The following DELE1 variants were observed in gnomAD, a reference collection of about 807,000 sequenced individuals.
The protein encoded by DELE1 is death ligand signal enhancer.
In DELE1, 54 loss-of-function variants were observed where a neutral mutation model predicts 59.3. The ratio of observed to expected loss-of-function variants is 0.91; its 90% confidence interval spans 0.73 to 1.14. The LOEUF is 1.14. Among genes scored for constraint, DELE1 ranks in the 50% most tolerant of loss-of-function variants. The probability of loss-of-function intolerance (pLI) is 0.00; values close to 1 mark genes in which losing one functional copy is unlikely to be tolerated. For missense variants in DELE1, 636 were observed against 643.9 expected, an observed-to-expected ratio of 0.99 and a Z score of 0.13; for synonymous variants, 264 against 259.1, an observed-to-expected ratio of 1.02 and a Z score of -0.18.
intron 7 of DELE1, 78 bp from the exon 8 acceptor site, chr5:141,933,178 TGAG>T (rs766963547): frequency 9.5e-5 from 103 of 1,082,156 alleles, no homozygotes; most frequent in Non-Finnish European, 1.3e-4. Context: ...GAGGATCAGA[TGAG>T]GAGTCTGTAG....
chr5:141,924,745 T>C, intron 2 of DELE1, 50 bp downstream of exon 2: 1 of 1,192,190 alleles, frequency 8.4e-7, no homozygotes, highest in Non-Finnish European at 1.2e-6. Flanking sequence ...TCACCCTTTT[T>C]TTTTATTTTT....
chr5:141,929,497 G>A (rs1012323343), intron 4 of DELE1, 85 bp from the exon 5 acceptor site: 53 of 1,446,950 alleles, frequency 3.7e-5, no homozygotes, highest in South Asian at 3.3e-4. Flanking sequence ...TGATCCACCC[G>A]CCTCGGCCTC....
At chr5:141,927,917 C>T (rs1310805019) in intron 3 of DELE1, among the ~76,000 whole-genome samples, 2 of 151,118 alleles carry the variant, frequency 1.3e-5, no homozygotes, top group Non-Finnish European at 1.5e-5. Context: ...TGGTCCCTGC[C>T]CATGTCGTGC....
At position 141,933,289 on chromosome 5, in the gene DELE1, C is replaced by A. The variant is rs201533364; in HGVS notation, c.785C>A (p.Thr262Lys). The change falls in exon 8 of 12, where the codon ACG becomes AAG. Residue 262 changes from threonine (T) to lysine (K), a missense_variant. Coordinates refer to ENST00000432126, the MANE Select transcript of DELE1 (RefSeq NM_014773.5). ...GTENMKSGDH[T>K]AAFSYFQKAA... ...GAGAACATGAAGAGTGGCGACCACA[C>A]GGCAGCCTTTTCTTACTTCCAGAAA... 19 of 1,565,486 alleles carry A rather than the reference C, an allele frequency of 1.2e-5. No individual in the cohort carries two copies. The highest frequency in any genetic ancestry group is 8.6e-5 in the Admixed American group (5 of 58,478).
chr5:141,924,309 A>G (rs73792050), intron 1 of DELE1, among the ~76,000 whole-genome samples: 9,891 of 152,208 alleles, frequency 0.065, 985 homozygotes, highest in African/African-American at 0.22. Flanking sequence ...AAGAGCCCCA[A>G]ACATTAGTGA....
rs1055642406 is a variant in DELE1, at chr5:141,941,112, A to C, written c.*2353A>C. 5 of 985,192 alleles carry C rather than the reference A, an allele frequency of 5.1e-6. No individual in the cohort carries two copies. In the African/African-American group the frequency reaches 7.0e-5, roughly 14 times the overall value. The allele number at this position is 985,192 out of a possible 1,614,324, so 61.0% of individuals were successfully genotyped here. On this transcript the variant is annotated 3_prime_UTR_variant, in exon 12 of 12. Transcript: ENST00000432126. ...ATGTCACCGTGTGCCCTCCCTGTGG[A>C]GCCCCACTCCCCAGCCTCCTCCCCT... is the stretch of plus-strand genomic sequence containing the variant.
chr5:141,926,292 C>G (rs769662956), intron 3 of DELE1, among the ~76,000 whole-genome samples: 1 of 152,146 alleles, frequency 6.6e-6, no homozygotes. Context: ...ATCTCAGGCT[C>G]TGAAATATTA....
In DELE1 at chr5:141,928,236, A is replaced by G. The variant is rs1223261270; in HGVS notation, c.350A>G (p.His117Arg). The G allele has an allele frequency of 2.5e-6, 4 of 1,614,060 alleles. No homozygotes were observed. The highest frequency in any genetic ancestry group is 3.4e-6 in the Non-Finnish European group (4 of 1,180,028). The change falls in exon 4 of 12, where the codon CAC becomes CGC. Residue 117 changes from histidine (H) to arginine (R), a missense_variant. Transcript: ENST00000432126. The part of the protein sequence containing the change: ...SLPAGPQRVE[H>R]CSWHSPLDRF... ...CCAGCAGGACCTCAGCGGGTAGAAC[A>G]CTGCTCCTGGCACAGTCCCCTGGAC...
In DELE1 at chr5:141,933,109, AAAATATAT is replaced by A. The variant is rs1375759675; in HGVS notation, c.755-148_755-141del. On this transcript the variant is annotated intron_variant, in intron 7 of 11. Coordinates refer to ENST00000432126, the MANE Select transcript of DELE1 (RefSeq NM_014773.5). Reference sequence around the variant, plus strand: ...GACTCCATCTCAAAAAAAAAAAAAAAAAATATATATATATATATATATATATGTAAAGT... The same window carrying A: ...GACTCCATCTCAAAAAAAAAAAAAAAATATATATATATATATATGTAAAGT... 7.2e-3 allele frequency: 943 copies of A among 131,150 alleles called. 8 individuals are homozygous for A. Among genetic ancestry groups the A allele is most frequent in the African/African-American group, 0.028 (903 of 32,532 alleles). The allele number at this position is 131,150 out of a possible 1,614,324, so 8.1% of individuals were successfully genotyped here.
intron 2 of DELE1, 59 bp downstream of exon 2, chr5:141,924,754 T>A (rs555991263): frequency 2.5e-5 from 29 of 1,154,690 alleles, no homozygotes; most frequent in Non-Finnish European, 3.3e-5. Context: ...TTTTTTATTT[T>A]TTTTTTTTTG....
At chr5:141,933,146 T>C (rs1752071027) in intron 7 of DELE1, 113 bp from the exon 8 acceptor site, 5 of 391,320 alleles carry the variant, frequency 1.3e-5, no homozygotes, top group African/African-American at 2.1e-5. Flanking sequence ...GTAAAGTGTC[T>C]GGCACAAAAA....
At chr5:141,926,753 C>G (rs1232331720) in intron 3 of DELE1, among the ~76,000 whole-genome samples, 1 of 152,194 alleles carries the variant, frequency 6.6e-6, no homozygotes, top group African/African-American at 2.4e-5. Context: ...CATATCATAC[C>G]CTGAAGAGAG....
intron 4 of DELE1, 144 bp from the exon 5 acceptor site, chr5:141,929,438 T>G: frequency 1.3e-6 from 1 of 773,376 alleles, no homozygotes; most frequent in South Asian, 1.7e-5. Context: ...TTAGTACAGA[T>G]GGGGTTTCAC....
chr5:141,930,152 GTGAGTCTTTTATAT>G lies in DELE1; in HGVS notation c.658-24_658-11del. The stretch of plus-strand genomic sequence containing the variant: ...GGCAATCCTGGTAAACCATCCCTTG[GTGAGTCTTTTATAT>G]TTCTTTCCCAGGAACAAGATAAATC... On this transcript the variant is annotated splice_polypyrimidine_tract_variant and intron_variant, in intron 6 of 11. Coordinates refer to ENST00000432126, the MANE Select transcript of DELE1 (RefSeq NM_014773.5). 1 of 1,609,338 alleles carries G rather than the reference GTGAGTCTTTTATAT, an allele frequency of 6.2e-7. No individual in the cohort carries two copies.
intron 11 of DELE1, 139 bp from the exon 12 acceptor site, chr5:141,938,382 A>T: frequency 7.6e-7 from 1 of 1,317,800 alleles, no homozygotes; most frequent in Non-Finnish European, 1.0e-6. Flanking sequence ...GGGCTCTAAG[A>T]GCCCTGCTCA....
chr5:141,937,317 C>G lies in DELE1; in HGVS notation c.1269C>G (p.Ala423=), dbSNP rs1381178380. Residue 423 remains alanine (A), a synonymous_variant, in exon 11 of 12, where the codon GCC becomes GCG. Transcript: ENST00000432126. Reference sequence around the variant, plus strand: ...CAGCCGCTCTGGGAAATGAGGCCGCCCAGGAGAGGCTGCGAGCCCTCTTTT... The same window carrying G: ...CAGCCGCTCTGGGAAATGAGGCCGCGCAGGAGAGGCTGCGAGCCCTCTTTT... ...QQSAALGNEA[A]QERLRALFSM... 1 of 1,614,198 alleles carries G rather than the reference C, an allele frequency of 6.2e-7. No individual in the cohort carries two copies. The highest frequency in any genetic ancestry group is 1.7e-5 in the Admixed American group (1 of 60,028).
At chr5:141,927,348 C>A (rs748584501) in intron 3 of DELE1, among the ~76,000 whole-genome samples, 1 of 152,102 alleles carries the variant, frequency 6.6e-6, no homozygotes, top group East Asian at 1.9e-4. Context: ...TACAGGTGTG[C>A]CCCACCACGC....
Position 141,925,415 on chromosome 5 carries a change from G to T in DELE1, c.152G>T (p.Gly51Val). ...LVPVPNLDRS[G>V]PHGPGTSGGP... ...CCTCTTATTTCATCATCTAGGTCAGGTCCCCATGGCCCAGGCACGAGCGGG... is the reference window on the plus strand; with the variant it reads ...CCTCTTATTTCATCATCTAGGTCAGTTCCCCATGGCCCAGGCACGAGCGGG... The change falls in exon 3 of 12, where the codon GGT becomes GTT. Residue 51 changes from glycine to valine, a missense_variant. Coordinates refer to ENST00000432126, the MANE Select transcript of DELE1 (RefSeq NM_014773.5). 1 of 1,580,198 alleles carries T rather than the reference G, an allele frequency of 6.3e-7. No homozygotes were observed. Among genetic ancestry groups the T allele is most frequent in the Non-Finnish European group, 8.6e-7 (1 of 1,164,036 alleles).
Position 141,930,227 on chromosome 5 carries a change from TTC to T in DELE1, c.708_709del (p.Gln237AlafsTer51). On this transcript the variant is annotated frameshift_variant, in exon 7 of 12. Coordinates refer to ENST00000432126, the MANE Select transcript of DELE1 (RefSeq NM_014773.5). LOFTEE classifies it high-confidence loss of function. ...TCCCTTGAGGAGGCTGTGACTTCCA[TTC>T]AGCAGCTCTTCCAGCTCAGTGTTTC... is the stretch of plus-strand genomic sequence containing the variant. 1 of 1,614,036 alleles carries T rather than the reference TTC, an allele frequency of 6.2e-7. No homozygotes were observed. The highest frequency in any genetic ancestry group is 8.5e-7 in the Non-Finnish European group (1 of 1,179,894).
Sources: allele counts gnomAD v4.1 joint callset (sites outside exome capture counted in the v4.1 genomes callset), GRCh38; gene constraint gnomAD v4.1.1; transcripts MANE v1.5; gene names NCBI Gene and HGNC (gene_info 2026-07-23, HGNC 2026-07-21).